Variants in INTS4 observed in about 807,000 individuals in gnomAD.
INTS4 encodes the protein integrator complex subunit 4.
A neutral mutation model predicts 119.5 loss-of-function variants in INTS4; 70 were observed. That is an observed-to-expected ratio of 0.59 (90% confidence interval 0.48 to 0.71). INTS4 has a LOEUF of 0.71. Ranked by LOEUF, INTS4 falls within the 30% of genes least tolerant of loss-of-function variation. The pLI is 0.00. For synonymous variants in INTS4, 316 were observed against 419.6 expected (o/e 0.75, Z 3.02); for missense variants, 867 against 1,173.2 (o/e 0.74, Z 3.81).
At chr11:77,889,720 G>A (rs1197250054) in intron 21 of INTS4, among the ~76,000 whole-genome samples, 6 of 152,120 alleles carry the variant, frequency 3.9e-5, no homozygotes, top group South Asian at 2.1e-4. Flanking sequence ...GAATGACTCC[G>A]GGTGTGGTGA....
At chr11:77,920,258 C>CATATATATACACAT (rs58721042) in intron 14 of INTS4, among the ~76,000 whole-genome samples, 1 of 142,496 alleles carries the variant, frequency 7.0e-6, no homozygotes, top group Non-Finnish European at 1.5e-5. Context: ...TACATATATA[C>CATATATATACACAT]ATATATACAC....
At chr11:77,919,918 C>T (rs1429112243) in intron 14 of INTS4, among the ~76,000 whole-genome samples, 2 of 152,060 alleles carry the variant, frequency 1.3e-5, no homozygotes, top group African/African-American at 4.8e-5. Context: ...AAGCAATTCT[C>T]CTGCCACAGC....
At chr11:77,887,863 C>A (rs530329761) in intron 21 of INTS4, among the ~76,000 whole-genome samples, 1 of 152,166 alleles carries the variant, frequency 6.6e-6, no homozygotes, top group Non-Finnish European at 1.5e-5. Context: ...ATCCAACTTA[C>A]AAGAGATGTG....
chr11:77,934,621 AAAAAT>A (rs1164759225), intron 10 of INTS4, among the ~76,000 whole-genome samples: 1 of 152,208 alleles, frequency 6.6e-6, no homozygotes, highest in Non-Finnish European at 1.5e-5. Flanking sequence ...AAAAAAATAA[AAAAAT>A]AAAAGTGATG....
At chr11:77,972,541 C>T (rs530096319) in intron 4 of INTS4, among the ~76,000 whole-genome samples, 131 of 152,050 alleles carry the variant, frequency 8.6e-4, no homozygotes, top group African/African-American at 3.0e-3. Context: ...CTCAGCCTCC[C>T]CAGTAGCTGG....
At chr11:77,939,143 C>T (rs1953869610) in intron 9 of INTS4, among the ~76,000 whole-genome samples, 1 of 152,156 alleles carries the variant, frequency 6.6e-6, no homozygotes, top group African/African-American at 2.4e-5. Context: ...CAGTGCCCCT[C>T]CAAAAGCCAT....
downstream of INTS4, among the ~76,000 whole-genome samples, chr11:77,878,352 A>C (rs372320041): frequency 3.3e-5 from 5 of 149,466 alleles, no homozygotes; most frequent in African/African-American, 1.2e-4. Context: ...ACACAGCAAG[A>C]CTCCATCTCA....
chr11:77,887,188 A>C (rs1010915193), intron 21 of INTS4, among the ~76,000 whole-genome samples: 1 of 152,234 alleles, frequency 6.6e-6, no homozygotes, highest in African/African-American at 2.4e-5. Context: ...ATACTGGCAA[A>C]CCAAATCCAG....
intron 10 of INTS4, among the ~76,000 whole-genome samples, chr11:77,933,533 T>C (rs887759846): frequency 1.3e-4 from 20 of 152,154 alleles, no homozygotes; most frequent in Non-Finnish European, 2.8e-4. Context: ...GTGCTCAATG[T>C]TGCCCAGGCT....
At chr11:77,877,920 A>G (rs1951643732), downstream of INTS4, among the ~76,000 whole-genome samples, 1 of 152,030 alleles carries the variant, frequency 6.6e-6, no homozygotes, top group Non-Finnish European at 1.5e-5. Context: ...TGCAGCATCA[A>G]CTCATCAGAG....
chr11:77,991,236 G>A lies in INTS4; in HGVS notation c.118C>T (p.His40Tyr), dbSNP rs1404314443. The A allele has an allele frequency of 6.2e-7, 1 of 1,614,034 alleles. No homozygotes were observed. The highest frequency in any genetic ancestry group is 2.2e-5 in the East Asian group (1 of 44,872). The change falls in exon 2 of 23, where the codon CAC (histidine) becomes TAC (tyrosine). Residue 40 changes from histidine (H) to tyrosine (Y), a missense_variant. By Grantham distance (83) the His-to-Tyr change is moderately conservative. Transcript: ENST00000534064. ...LTKPSKSAAL[H>Y]IDLCKATSPA... Reference sequence around the variant, plus strand: ...GAGGTAGCTTTACACAGATCTATGTGGAGTGCTGCAGATTTACTTGGTTTT... The same window carrying A: ...GAGGTAGCTTTACACAGATCTATGTAGAGTGCTGCAGATTTACTTGGTTTT...
chr11:77,933,530 A>G (rs1953711796), intron 10 of INTS4, among the ~76,000 whole-genome samples: 1 of 152,090 alleles, frequency 6.6e-6, no homozygotes, highest in South Asian at 2.1e-4. Context: ...TCAGTGCTCA[A>G]TGTTGCCCAG....
At chr11:77,977,888 T>G (rs1019941819) in intron 4 of INTS4, 4 of 150,544 alleles carry the variant, frequency 2.7e-5, no homozygotes, top group African/African-American at 7.3e-5. Flanking sequence ...GTTTTTTTTG[T>G]TTTTTTGTTT....
intron 5 of INTS4, 151 bp from the exon 6 acceptor site, chr11:77,960,542 C>T (rs989764927): frequency 4.4e-5 from 24 of 545,022 alleles, no homozygotes; most frequent in East Asian, 4.0e-4. Context: ...GAAACCTTGT[C>T]GTCTTTCAAT....
At chr11:77,940,843 C>T (rs191431648) in intron 9 of INTS4, among the ~76,000 whole-genome samples, 232 of 152,168 alleles carry the variant, frequency 1.5e-3, no homozygotes, top group Non-Finnish European at 2.6e-3. Context: ...TCATGTTGGC[C>T]GGGCTGGTCT....
At chr11:77,877,524 G>A (rs1951632322), downstream of INTS4, among the ~76,000 whole-genome samples, 1 of 152,230 alleles carries the variant, frequency 6.6e-6, no homozygotes, top group Non-Finnish European at 1.5e-5. Context: ...CTGAGGCAGA[G>A]AGAGCTGAAG....
At chr11:77,960,823 G>A (rs542003726) in intron 5 of INTS4, 130 bp downstream of exon 5, 4 of 804,916 alleles carry the variant, frequency 5.0e-6, no homozygotes, top group East Asian at 5.3e-5. Context: ...TGAGTTCTGC[G>A]AGGCCACCAC....
chr11:77,928,507 G>C lies in INTS4; in HGVS notation c.1206C>G (p.Ala402=). 1.3e-6 allele frequency: 2 copies of C among 1,599,364 alleles called. No individual in the cohort carries two copies. The highest frequency in any genetic ancestry group is 1.7e-6 in the Non-Finnish European group (2 of 1,171,822). The change falls in exon 11 of 23, where the codon GCC becomes GCG. Residue 402 remains alanine, a synonymous_variant. Coordinates refer to ENST00000534064, the MANE Select transcript of INTS4 (RefSeq NM_033547.4). The part of the protein sequence containing the change: ...IAAVEALCML[A]QSSPSFAEKC... ...TCTCAGCAAAAGAGGGTGAAGACTG[G>C]GCCAACATGCAGAGGGCCTCCACAG...
intron 4 of INTS4, among the ~76,000 whole-genome samples, chr11:77,967,711 T>C (rs1855560232): frequency 6.6e-6 from 1 of 152,162 alleles, no homozygotes; most frequent in Non-Finnish European, 1.5e-5. Context: ...ATGCATTGGC[T>C]GAATCTAAAC....
Sources: allele counts gnomAD v4.1 joint callset (sites outside exome capture counted in the v4.1 genomes callset), GRCh38; gene constraint gnomAD v4.1.1; transcripts MANE v1.5; gene names NCBI Gene and HGNC (gene_info 2026-07-23, HGNC 2026-07-21).